ERAP1: variants seen among roughly 807,000 people sequenced by gnomAD.
The protein encoded by ERAP1 is endoplasmic reticulum aminopeptidase 1.
Under a neutral mutation model 103.7 loss-of-function variants are expected in ERAP1, and 86 were observed. The observed-to-expected ratio is 0.83, with a 90% CI of 0.70 to 0.99. The LOEUF (loss-of-function observed/expected upper bound fraction) is 0.99. Among genes scored for constraint, ERAP1 ranks in the 50% least tolerant of loss-of-function variants. The probability of loss-of-function intolerance (pLI) is 0.00; values close to 1 mark genes in which losing one functional copy is unlikely to be tolerated. For synonymous variants in ERAP1, 398 were observed against 402.4 expected (o/e 0.99, Z 0.13); for missense variants, 1,009 against 1,128.4 (o/e 0.89, Z 1.52).
At chr5:96,831,444 G>A in the ERAP1 span, among the ~76,000 whole-genome samples, 4 of 152,152 alleles carry the variant, frequency 2.6e-5, no homozygotes, top group East Asian at 3.8e-4. Flanking sequence ...TTCCATCCAC[G>A]CACAGGAGGA....
At chr5:96,912,345 G>A in the ERAP1 span, among the ~76,000 whole-genome samples, 1 of 151,396 alleles carries the variant, frequency 6.6e-6, no homozygotes, top group Admixed American at 6.6e-5. Context: ...ATTTCAGAAA[G>A]CTTTTATATT....
chr5:96,816,495 C>T, the ERAP1 span, among the ~76,000 whole-genome samples: 1 of 152,170 alleles, frequency 6.6e-6, no homozygotes, highest in Admixed American at 6.5e-5. Flanking sequence ...TGTTGCTCAG[C>T]AGGGACGGTC....
At chr5:96,935,166 G>C in the ERAP1 span, 1 of 152,212 alleles carries the variant, frequency 6.6e-6, no homozygotes, top group African/African-American at 2.4e-5. Flanking sequence ...AGCACCCCCG[G>C]GAACCGCAGG....
At chr5:96,789,261 T>G (rs549830455) in intron 10 of ERAP1, among the ~76,000 whole-genome samples, 18 of 152,218 alleles carry the variant, frequency 1.2e-4, no homozygotes, top group Admixed American at 1.0e-3. Flanking sequence ...CTGAGTTGGG[T>G]GGATCACCTG....
At chr5:96,873,979 A>G in the ERAP1 span, among the ~76,000 whole-genome samples, 146 of 152,186 alleles carry the variant, frequency 9.6e-4, no homozygotes, top group African/African-American at 3.3e-3. Flanking sequence ...TAGAGCCAAC[A>G]AGGAGGGTCT....
At chr5:96,802,548 C>T (rs1397846144) in intron 2 of ERAP1, among the ~76,000 whole-genome samples, 1 of 152,128 alleles carries the variant, frequency 6.6e-6, no homozygotes, top group Non-Finnish European at 1.5e-5. Context: ...AATCTACCAA[C>T]AAATAAAATT....
At chr5:96,804,465 G>C (rs1161866572) in intron 1 of ERAP1, 1 of 178,474 alleles carries the variant, frequency 5.6e-6, no homozygotes, top group Non-Finnish European at 1.2e-5. Flanking sequence ...CCACTAGAAC[G>C]AGGTCTCCAC....
chr5:96,858,133 T>C, the ERAP1 span, among the ~76,000 whole-genome samples: 1 of 152,136 alleles, frequency 6.6e-6, no homozygotes, highest in Non-Finnish European at 1.5e-5. Context: ...TGGGAGATAA[T>C]TTTGTATCTG....
chr5:96,928,847 A>G, the ERAP1 span, among the ~76,000 whole-genome samples: 1 of 152,246 alleles, frequency 6.6e-6, no homozygotes, highest in Non-Finnish European at 1.5e-5. Flanking sequence ...AGAAAACAAC[A>G]GAAGCTGGTG....
At chr5:96,761,719 T>TG (rs1217422423) in exon 20 of ERAP1, 1 of 152,936 alleles carries the variant, frequency 6.5e-6, no homozygotes, top group Non-Finnish European at 1.5e-5. Flanking sequence ...TATTTAACGT[T>TG]GAAAAAAAAC....
chr5:96,806,449 A>G (rs928019792), intron 1 of ERAP1, among the ~76,000 whole-genome samples: 3 of 152,340 alleles, frequency 2.0e-5, no homozygotes. Context: ...CCAAAGTGCC[A>G]GGCACTTTAC....
At chr5:96,911,275 T>G in the ERAP1 span, among the ~76,000 whole-genome samples, 3 of 152,224 alleles carry the variant, frequency 2.0e-5, no homozygotes, top group Admixed American at 6.5e-5. Context: ...ATGGTCACTT[T>G]GTGACAAATG....
chr5:96,886,395 A>G, the ERAP1 span, among the ~76,000 whole-genome samples: 38 of 152,388 alleles, frequency 2.5e-4, no homozygotes, highest in African/African-American at 7.5e-4. Context: ...TATGCTTTCA[A>G]TCAACAAAAT....
the ERAP1 span, among the ~76,000 whole-genome samples, chr5:96,857,950 A>G: frequency 6.6e-6 from 1 of 152,186 alleles, no homozygotes; most frequent in South Asian, 2.1e-4. Context: ...AATACCAAGG[A>G]TCATGTGCAA....
intron 3 of ERAP1, among the ~76,000 whole-genome samples, chr5:96,800,448 G>C (rs1210123440): frequency 6.6e-6 from 1 of 152,104 alleles, no homozygotes; most frequent in Non-Finnish European, 1.5e-5. Context: ...TTACTATATA[G>C]TATATGTAAC....
chr5:96,933,367 G>A, the ERAP1 span, among the ~76,000 whole-genome samples: 5 of 151,434 alleles, frequency 3.3e-5, no homozygotes, highest in East Asian at 5.8e-4. Flanking sequence ...GGAATAGCTG[G>A]GATTACAGGT....
Position 96,792,153 on chromosome 5 carries a change from C to A in ERAP1, c.1228G>T (p.Val410Leu). The change falls in exon 8 of 19, where the codon GTA (valine) becomes TTA (leucine). Residue 410 changes from valine (V) to leucine (L), a missense_variant. Physicochemically the swap from Val to Leu is conservative, Grantham distance 32. Transcript: ENST00000443439. ...GGGTGTGAGGAATTTAAAGCATCTA[C>A]CTCCATTGCGTCAAAACATTTGCCA... ...FFGKCFDAME[V>L]DALNSSHPVS... The A allele has an allele frequency of 6.2e-7, 1 of 1,613,858 alleles. No individual in the cohort carries two copies. The highest frequency in any genetic ancestry group is 2.2e-5 in the East Asian group (1 of 44,868).
At position 96,763,300 on chromosome 5, in the gene ERAP1, A is replaced by G; in HGVS notation, c.2819-72T>C. ...GGGCAGCTCTACCATTAGCAGCTAT[A>G]ATCCTGGATTATAATAAAGCACTTA... is the stretch of plus-strand genomic sequence containing the variant. On this transcript the variant is annotated intron_variant, in intron 19 of 19. Coordinates refer to the ERAP1 transcript ENST00000296754. The G allele has an allele frequency of 3.8e-6, 3 of 779,672 alleles. No homozygotes were observed. In the Admixed American group the frequency reaches 5.1e-5, roughly 13 times the overall value. 48.3% of individuals were successfully genotyped at this position (779,672 alleles called of 1,614,324 possible). A position where few individuals can be genotyped will look rare whatever the true frequency, so the allele number is the denominator to read the frequency against.
chr5:96,869,891 A>AT, the ERAP1 span, among the ~76,000 whole-genome samples: 7 of 152,196 alleles, frequency 4.6e-5, no homozygotes, highest in Non-Finnish European at 7.3e-5. Flanking sequence ...TTTTGCTGTA[A>AT]TGGCACAGTA....
Sources: gnomAD v4.1 joint callset for allele counts (sites outside exome capture counted in the v4.1 genomes callset) on GRCh38, gnomAD v4.1.1 for gene constraint, MANE v1.5 for transcripts, NCBI Gene and HGNC (gene_info 2026-07-23, HGNC 2026-07-21) for gene names.